RHBDL3: variants seen among roughly 807,000 people sequenced by gnomAD.
RHBDL3 encodes the protein rhomboid like 3.
In RHBDL3, 28 loss-of-function variants were observed where a neutral mutation model predicts 48.2. The ratio of observed to expected loss-of-function variants is 0.58; its 90% confidence interval spans 0.43 to 0.80. RHBDL3 has a LOEUF of 0.80. RHBDL3 is among the 30% of genes least tolerant of loss of function. The pLI, the probability that RHBDL3 is intolerant of heterozygous loss-of-function variation, is 0.00. For missense variants in RHBDL3, 464 were observed against 542.7 expected (o/e 0.85, Z 1.44); for synonymous variants, 208 against 232.3 (o/e 0.90, Z 0.95).
Position 32,321,366 on chromosome 17 carries a change from G to T in RHBDL3, c.*137G>T. ...GACTCTGGGCCACTGTAATGTTTGT[G>T]TTTAGATTTGGACACACAGTGGAGA... On this transcript the variant is annotated 3_prime_UTR_variant, in exon 9 of 9. Coordinates refer to ENST00000269051, the MANE Select transcript of RHBDL3 (RefSeq NM_138328.3). 1.9e-6 allele frequency: 3 copies of T among 1,541,322 alleles called. No individual in the cohort carries two copies. Among genetic ancestry groups the T allele is most frequent in the Non-Finnish European group, 2.6e-6 (3 of 1,148,728 alleles).
At chr17:32,272,599 G>A (rs941583173) in intron 2 of RHBDL3, among the ~76,000 whole-genome samples, 1 of 152,130 alleles carries the variant, frequency 6.6e-6, no homozygotes, top group Admixed American at 6.5e-5. Context: ...GGACCCTTGA[G>A]GCTGTGGACT....
intron 8 of RHBDL3, 28 bp from the exon 9 acceptor site, chr17:32,320,930 G>T (rs1259084737): frequency 6.3e-7 from 1 of 1,581,050 alleles, no homozygotes; most frequent in South Asian, 1.1e-5. Flanking sequence ...GCCCTCCTGT[G>T]ACATCTCTCT....
intron 7 of RHBDL3, among the ~76,000 whole-genome samples, chr17:32,312,933 C>T (rs921455839): frequency 7.9e-5 from 12 of 152,130 alleles, no homozygotes; most frequent in Non-Finnish European, 1.2e-4. Flanking sequence ...CCTCAGCCTC[C>T]TGAGTAGCTG....
Position 32,320,951 on chromosome 17 carries a change from C to T in RHBDL3, c.944-7C>T, listed in dbSNP as rs1373462093. 2 of 1,608,184 alleles carry T rather than the reference C, an allele frequency of 1.2e-6. No homozygotes were observed. Among genetic ancestry groups the T allele is most frequent in the African/African-American group, 1.3e-5 (1 of 74,832 alleles). On this transcript the variant is annotated splice_polypyrimidine_tract_variant and splice_region_variant and intron_variant, in intron 8 of 8. Coordinates refer to ENST00000269051, the MANE Select transcript of RHBDL3 (RefSeq NM_138328.3). ...CTGTGACATCTCTCTGCTTCCTCCC[C>T]TTGCAGTGAGCATGGAGTTTGGGCG...
At chr17:32,275,923 G>A (rs1483175883) in intron 2 of RHBDL3, among the ~76,000 whole-genome samples, 1 of 152,132 alleles carries the variant, frequency 6.6e-6, no homozygotes, top group Non-Finnish European at 1.5e-5. Context: ...GGCCCCTCAT[G>A]CCTCCATCTG....
intron 8 of RHBDL3, among the ~76,000 whole-genome samples, chr17:32,319,177 C>A (rs1401291529): frequency 6.6e-6 from 1 of 151,500 alleles, no homozygotes; most frequent in Non-Finnish European, 1.5e-5. Context: ...AATCCCAGCA[C>A]TTTGGGAGGC....
chr17:32,310,718 A>G lies in RHBDL3; in HGVS notation c.882+5277A>G, dbSNP rs141469455. Among the ~76,000 whole-genome samples the G allele has an allele frequency of 5.8e-3, 223 of 38,540 alleles. 2 individuals are homozygous for G. Among genetic ancestry groups the G allele is most frequent in the African/African-American group, 0.017 (215 of 12,976 alleles). The allele number at this position is 38,540 out of a possible 152,430, so 25.3% of individuals were successfully genotyped here. A position where few individuals can be genotyped will look rare whatever the true frequency, so the allele number is the denominator to read the frequency against. Reference sequence around the variant, plus strand: ...ACAGATAGAGACTCCGTCTAAAAAAAATATATATATAAAAAATTAGCCAGG... The same window carrying G: ...ACAGATAGAGACTCCGTCTAAAAAAGATATATATATAAAAAATTAGCCAGG... On this transcript the variant is annotated intron_variant, in intron 7 of 8. Coordinates refer to ENST00000269051, the MANE Select transcript of RHBDL3 (RefSeq NM_138328.3).
chr17:32,298,352 C>A, intron 6 of RHBDL3, 148 bp downstream of exon 6: 2 of 574,290 alleles, frequency 3.5e-6, no homozygotes, highest in Non-Finnish European at 3.1e-6. Context: ...GTCCTCCAGG[C>A]ACACCCACCT....
chr17:32,320,935 C>T (rs1471315692), intron 8 of RHBDL3, 23 bp from the exon 9 acceptor site: 1 of 1,593,118 alleles, frequency 6.3e-7, no homozygotes, highest in Non-Finnish European at 8.6e-7. Context: ...CCTGTGACAT[C>T]TCTCTGCTTC....
chr17:32,314,010 C>T (rs993541415), intron 7 of RHBDL3, among the ~76,000 whole-genome samples: 1 of 152,160 alleles, frequency 6.6e-6, no homozygotes, highest in African/African-American at 2.4e-5. Context: ...CTGTCCGACT[C>T]GGCCTCCCAA....
Position 32,266,318 on chromosome 17 carries a change from GC to G in RHBDL3, c.111+21del. ...CGGAGGACGTGAGTGCCCCCTCCCC[GC>G]CCGGCAAACTTTCTAGGGGGCGCCG... On this transcript the variant is annotated intron_variant, in intron 1 of 8. Coordinates refer to ENST00000269051, the MANE Select transcript of RHBDL3 (RefSeq NM_138328.3). The G allele has an allele frequency of 7.3e-7, 1 of 1,366,522 alleles. No individual in the cohort carries two copies. The highest frequency in any genetic ancestry group is 9.7e-7 in the Non-Finnish European group (1 of 1,033,582). 84.6% of individuals were successfully genotyped at this position (1,366,522 alleles called of 1,614,324 possible).
chr17:32,278,839 A>G (rs2039974744), intron 2 of RHBDL3, among the ~76,000 whole-genome samples: 1 of 152,118 alleles, frequency 6.6e-6, no homozygotes, highest in African/African-American at 2.4e-5. Flanking sequence ...TGTAAATCAC[A>G]CTCAAGGCTG....
chr17:32,281,233 G>A (rs2040035512), intron 2 of RHBDL3, among the ~76,000 whole-genome samples: 1 of 152,120 alleles, frequency 6.6e-6, no homozygotes, highest in Admixed American at 6.5e-5. Context: ...GAGCCACAGG[G>A]CAGCCATGTC....
At chr17:32,272,986 T>C (rs2039809124) in intron 2 of RHBDL3, among the ~76,000 whole-genome samples, 1 of 151,994 alleles carries the variant, frequency 6.6e-6, no homozygotes, top group African/African-American at 2.4e-5. Context: ...TCCAGTCTGC[T>C]CATTTTGTTT....
chr17:32,285,412 G>GGTCA (rs1434594018), intron 3 of RHBDL3, among the ~76,000 whole-genome samples: 1 of 152,078 alleles, frequency 6.6e-6, no homozygotes, highest in Non-Finnish European at 1.5e-5. Flanking sequence ...GGGCCGGGAG[G>GGTCA]GTCAGTGCAG....
chr17:32,316,757 A>ATCC (rs1232810001), intron 8 of RHBDL3, among the ~76,000 whole-genome samples: 1 of 152,044 alleles, frequency 6.6e-6, no homozygotes, highest in Non-Finnish European at 1.5e-5. Flanking sequence ...GGCTCAAGCA[A>ATCC]TCCTCCTGCC....
rs192264502 is a variant in RHBDL3, at chr17:32,272,273, T to C, written c.135+4348T>C. ...TCTGAGCCCAGAGGATTTTTTTGCT[T>C]TCTGACTTCCAGTGTCTCCCCTTCC... On this transcript the variant is annotated intron_variant, in intron 2 of 8. Transcript: ENST00000269051. Among the ~76,000 whole-genome samples, 193 of 152,328 alleles carry C rather than the reference T, an allele frequency of 1.3e-3. 2 individuals are homozygous for C. In the South Asian group the frequency reaches 0.031, roughly 25 times the overall value.
intron 6 of RHBDL3, among the ~76,000 whole-genome samples, chr17:32,299,392 C>A (rs2040530965): frequency 6.6e-6 from 1 of 152,146 alleles, no homozygotes; most frequent in Non-Finnish European, 1.5e-5. Flanking sequence ...TTGGTCAGCA[C>A]CCCTGCAAGC....
chr17:32,266,283 C>T lies in RHBDL3; in HGVS notation c.94C>T (p.Pro32Ser). 6.8e-7 allele frequency: 1 copy of T among 1,466,186 alleles called. No homozygotes were observed. Among genetic ancestry groups the T allele is most frequent in the Non-Finnish European group, 9.0e-7 (1 of 1,115,340 alleles). 90.8% of individuals were successfully genotyped at this position (1,466,186 alleles called of 1,614,324 possible). Residue 32 changes from proline (P) to serine (S), a missense_variant, in exon 1 of 9, where the codon CCC (proline) becomes TCC (serine). Transcript: ENST00000269051. ...ELEPEAEERLPAAPEDHWKVL... is the reference protein window; with the variant it reads ...ELEPEAEERLSAAPEDHWKVL... ...GGAACCCGAGGCCGAGGAGCGGCTGCCCGCGGCGCCGGAGGACGTGAGTGC... is the reference window on the plus strand; with the variant it reads ...GGAACCCGAGGCCGAGGAGCGGCTGTCCGCGGCGCCGGAGGACGTGAGTGC...
Sources: gnomAD v4.1 joint callset for allele counts (sites outside exome capture counted in the v4.1 genomes callset) on GRCh38, gnomAD v4.1.1 for gene constraint, MANE v1.5 for transcripts, NCBI Gene and HGNC (gene_info 2026-07-23, HGNC 2026-07-21) for gene names.